The following FYB1 variants were observed in gnomAD, a reference collection of about 807,000 sequenced individuals.
FYB1 encodes FYN-binding protein 1.
Under a neutral mutation model 94.1 loss-of-function variants are expected in FYB1, and 41 were observed. The ratio of observed to expected loss-of-function variants is 0.44; its 90% CI spans 0.34 to 0.57. FYB1 has a LOEUF of 0.57. Ranked by LOEUF, FYB1 falls within the 20% of genes least tolerant of loss-of-function variation. FYB1 has a pLI of 0.02. For synonymous variants in FYB1, 367 were observed against 353.2 expected (o/e 1.04, Z -0.44); for missense variants, 1,050 against 976.8 (o/e 1.07, Z -1.00).
chr5:39,163,424 G>T (rs1203083390), intron 2 of FYB1, among the ~76,000 whole-genome samples: 2 of 152,146 alleles, frequency 1.3e-5, no homozygotes, highest in African/African-American at 4.8e-5. Flanking sequence ...AAGAGGTAGA[G>T]ATCAAAACAA....
chr5:39,229,942 C>CT (rs1483605806), intron 1 of FYB1, among the ~76,000 whole-genome samples: 7 of 152,018 alleles, frequency 4.6e-5, no homozygotes, highest in African/African-American at 1.7e-4. Context: ...AGTGAGGTGC[C>CT]TGGGCATCTG....
At chr5:39,200,398 G>A (rs1439630253) in intron 2 of FYB1, among the ~76,000 whole-genome samples, 7 of 152,288 alleles carry the variant, frequency 4.6e-5, no homozygotes, top group African/African-American at 1.7e-4. Context: ...AGTTCCCAGG[G>A]ATTTCTGCCT....
At chr5:39,231,163 A>AC (rs56082475) in intron 1 of FYB1, among the ~76,000 whole-genome samples, 3,172 of 118,828 alleles carry the variant, frequency 0.027, 85 homozygotes, top group African/African-American at 0.035. Flanking sequence ...AAAAAAAAAC[A>AC]AAAAAAAACA....
Position 39,147,399 on chromosome 5 carries a change from G to A in FYB1, c.1292+6049C>T, listed in dbSNP as rs116216232. Among the ~76,000 whole-genome samples the A allele has an allele frequency of 5.4e-3, 819 of 150,744 alleles. 8 individuals carry two copies. The highest frequency in any genetic ancestry group is 0.019 in the African/African-American group (759 of 40,970). On this transcript the variant is annotated intron_variant, in intron 3 of 18. Transcript: ENST00000512982. The stretch of plus-strand genomic sequence containing the variant: ...TCCTCCTACCACAGCCTCCCAAGTA[G>A]CTGAGACGACAGGCACGTGTTACCA...
rs759487838 is a variant in FYB1 at position 39,141,130 on chromosome 5, T to C, written c.1304A>G (p.Asn435Ser). 13 of 1,593,518 alleles carry C rather than the reference T, an allele frequency of 8.2e-6. No individual in the cohort carries two copies. Among genetic ancestry groups the C allele is most frequent in the African/African-American group, 6.7e-5 (5 of 74,592 alleles). Residue 435 changes from asparagine (N) to serine (S), a missense_variant, in exon 4 of 19, where the codon AAT (asparagine) becomes AGT (serine). Coordinates refer to ENST00000512982, the MANE Select transcript of FYB1 (RefSeq NM_001465.6). ...KPPFDLKSPV[N>S]EDNQDGVTHS... ...CGTGACACCATCTTGATTGTCTTCA[T>C]TGACAGGGCTTCTGAAAACGAGAAA... is the stretch of plus-strand genomic sequence containing the variant.
Position 39,118,326 on chromosome 5 carries a change from G to T in FYB1, c.2401+548C>A, listed in dbSNP as rs114177121. Among the ~76,000 whole-genome samples the T allele has an allele frequency of 8.9e-3, 1,359 of 152,212 alleles. 19 individuals are homozygous for T. The highest frequency in any genetic ancestry group is 0.031 in the African/African-American group (1,276 of 41,526). On this transcript the variant is annotated intron_variant, in intron 16 of 18. Transcript: ENST00000512982. ...GAAATGAAAACAAGTGAATTTGTAA[G>T]GTAAGAAAACTGGAAATTCTAGGTG...
intron 2 of FYB1, among the ~76,000 whole-genome samples, chr5:39,181,268 TG>T (rs1746199586): frequency 6.6e-6 from 1 of 152,210 alleles, no homozygotes; most frequent in African/African-American, 2.4e-5. Context: ...AATGTTCAAA[TG>T]TTTGTGCTTA....
In FYB1 at chr5:39,110,356, T is replaced by C. The variant is rs530125416; in HGVS notation, c.2435A>G (p.Asn812Ser). 4 of 1,593,132 alleles carry C rather than the reference T, an allele frequency of 2.5e-6. No homozygotes were observed. The South Asian group carries it at 4.6e-5, about 18-fold the overall frequency. Reference sequence around the variant, plus strand: ...TAGTAGTAGAAGAAAATGGGCTTACTTGTCCGCTAGGTAACTCCGAAGGAC... The same window carrying C: ...TAGTAGTAGAAGAAAATGGGCTTACCTGTCCGCTAGGTAACTCCGAAGGAC... ...GYVLRSYLAD[N>S]DGEIYDDIAD... The change falls in exon 17 of 19, where the codon AAT becomes AGT. Residue 812 changes from asparagine (N) to serine (S), a missense_variant and splice_region_variant. Transcript: ENST00000512982.
At chr5:39,254,160 G>A (rs539731471) in intron 1 of FYB1, among the ~76,000 whole-genome samples, 31 of 152,214 alleles carry the variant, frequency 2.0e-4, no homozygotes, top group South Asian at 4.1e-4. Flanking sequence ...GAACACACAC[G>A]TGCATGTATC....
intron 1 of FYB1, among the ~76,000 whole-genome samples, chr5:39,228,929 G>C (rs374349266): frequency 6.6e-6 from 1 of 152,076 alleles, no homozygotes; most frequent in Non-Finnish European, 1.5e-5. Flanking sequence ...TTTCTCTCAC[G>C]ATAAAATTAG....
At chr5:39,232,435 C>T (rs1182696226) in intron 1 of FYB1, among the ~76,000 whole-genome samples, 4 of 152,076 alleles carry the variant, frequency 2.6e-5, no homozygotes. Flanking sequence ...GGTATTCAGG[C>T]TGACAACGGA....
chr5:39,166,308 T>C (rs1580437683), intron 2 of FYB1, among the ~76,000 whole-genome samples: 1 of 152,026 alleles, frequency 6.6e-6, no homozygotes, highest in South Asian at 2.1e-4. Flanking sequence ...TGGTGGCAGG[T>C]GCCTGTAATC....
chr5:39,208,510 T>C (rs1208521961), intron 1 of FYB1, among the ~76,000 whole-genome samples: 1 of 152,154 alleles, frequency 6.6e-6, no homozygotes, highest in Non-Finnish European at 1.5e-5. Flanking sequence ...CATGACTTAC[T>C]TATTCGGTCT....
At chr5:39,110,333 G>T in intron 17 of FYB1, 23 bp downstream of exon 17, 7 of 1,537,782 alleles carry the variant, frequency 4.6e-6, no homozygotes, top group Non-Finnish European at 8.9e-7. Context: ...CACAAGCATA[G>T]TAGTAGAAGA....
At chr5:39,121,110 A>C (rs1740050346) in intron 14 of FYB1, among the ~76,000 whole-genome samples, 2 of 151,314 alleles carry the variant, frequency 1.3e-5, no homozygotes, top group South Asian at 4.2e-4. Flanking sequence ...ATTTTGTTTG[A>C]AGAATAAGGC....
intron 1 of FYB1, among the ~76,000 whole-genome samples, chr5:39,228,760 C>T (rs190139883): frequency 3.9e-5 from 6 of 152,170 alleles, no homozygotes; most frequent in Admixed American, 2.0e-4. Context: ...TATGAACTTC[C>T]CTTCCTTTTT....
chr5:39,253,305 T>A (rs1490754426), intron 1 of FYB1, among the ~76,000 whole-genome samples: 1 of 152,192 alleles, frequency 6.6e-6, no homozygotes, highest in African/African-American at 2.4e-5. Context: ...GTACTTATTT[T>A]CACATTTTAA....
At chr5:39,224,821 A>G (rs1266892489) in intron 1 of FYB1, among the ~76,000 whole-genome samples, 2 of 152,110 alleles carry the variant, frequency 1.3e-5, no homozygotes, top group African/African-American at 4.8e-5. Context: ...AAATCCTTCT[A>G]ACTTCAACCT....
At chr5:39,265,237 T>G (rs553324857) in intron 1 of FYB1, among the ~76,000 whole-genome samples, 61 of 152,204 alleles carry the variant, frequency 4.0e-4, no homozygotes, top group African/African-American at 1.4e-3. Flanking sequence ...ATCCCAGCAT[T>G]CTGGGAGGCC....
Sources: allele counts gnomAD v4.1 joint callset (sites outside exome capture counted in the v4.1 genomes callset), GRCh38; gene constraint gnomAD v4.1.1; transcripts MANE v1.5; gene names NCBI Gene and HGNC (gene_info 2026-07-23, HGNC 2026-07-21).